Variants in SPATA17 observed in about 807,000 individuals in gnomAD.
SPATA17 encodes spermatogenesis-associated protein 17.
In SPATA17, 53 loss-of-function variants were observed where a neutral mutation model predicts 62.2. The ratio of observed to expected loss-of-function variants is 0.85; its 90% confidence interval spans 0.68 to 1.07. SPATA17 has a LOEUF of 1.07. Among genes scored for constraint, SPATA17 ranks in the 50% least tolerant of loss-of-function variants. SPATA17 has a pLI of 0.00. For missense variants in SPATA17, 466 were observed against 425.5 expected, an observed-to-expected ratio of 1.10 and a Z score of -0.84; for synonymous variants, 146 against 146.8, an observed-to-expected ratio of 0.99 and a Z score of 0.04.
intron 9 of SPATA17, among the ~76,000 whole-genome samples, chr1:217,820,962 C>A (rs1029380551): frequency 6.6e-6 from 1 of 152,036 alleles, no homozygotes; most frequent in Admixed American, 6.6e-5. Context: ...TAAAACATGG[C>A]AGAGAAGGTT....
rs200885875 is a variant in SPATA17 at position 217,689,221 on chromosome 1, C to CTTTTTT, written c.395+5877_395+5882dup. Among the ~76,000 whole-genome samples, 258 of 102,600 alleles carry CTTTTTT rather than the reference C, an allele frequency of 2.5e-3. 6 individuals carry two copies. Among genetic ancestry groups the CTTTTTT allele is most frequent in the Middle Eastern group, 8.1e-3 (1 of 124 alleles). The allele number at this position is 102,600 out of a possible 152,430, so 67.3% of individuals were successfully genotyped here. A position where few individuals can be genotyped will look rare whatever the true frequency, so the allele number is the denominator to read the frequency against. On this transcript the variant is annotated intron_variant, in intron 5 of 10. Transcript: ENST00000366933. Reference sequence around the variant, plus strand: ...ACAAATCAGATAGCATTTATTATGTCTTTTTTTTTTTTTTTTTTTTTTGAG... The same window carrying CTTTTTT: ...ACAAATCAGATAGCATTTATTATGTCTTTTTTTTTTTTTTTTTTTTTTTTTTTTGAG...
At chr1:217,778,524 A>AAAT (rs1389820181) in intron 7 of SPATA17, among the ~76,000 whole-genome samples, 1 of 152,136 alleles carries the variant, frequency 6.6e-6, no homozygotes, top group African/African-American at 2.4e-5. Context: ...CCATCCCAAA[A>AAAT]AATAATAATA....
chr1:217,656,969 T>C (rs1670458533), intron 3 of SPATA17, among the ~76,000 whole-genome samples: 1 of 152,186 alleles, frequency 6.6e-6, no homozygotes, highest in Non-Finnish European at 1.5e-5. Flanking sequence ...TGGGGATTTT[T>C]CTCCTTTACA....
intron 4 of SPATA17, among the ~76,000 whole-genome samples, chr1:217,681,668 A>G (rs1011878064): frequency 2.0e-5 from 3 of 152,120 alleles, no homozygotes; most frequent in South Asian, 4.1e-4. Flanking sequence ...AAGTCCTGGG[A>G]TTAGAGGTGT....
intron 5 of SPATA17, among the ~76,000 whole-genome samples, chr1:217,706,062 G>A (rs1671726153): frequency 6.6e-6 from 1 of 152,242 alleles, no homozygotes; most frequent in Middle Eastern, 3.4e-3. Context: ...AGTTCCATTG[G>A]CATATGTGTC....
chr1:217,742,986 C>T (rs891974984), intron 6 of SPATA17, among the ~76,000 whole-genome samples: 7 of 150,846 alleles, frequency 4.6e-5, no homozygotes, highest in African/African-American at 7.3e-5. Context: ...CTGGGCTGGC[C>T]GTCTACATTT....
At position 217,868,664 on chromosome 1, in the gene SPATA17, GTTTTTTTTTTTTT is replaced by G. The variant is rs34123629; in HGVS notation, c.*1659_*1671del. 33 of 88,226 alleles carry G rather than the reference GTTTTTTTTTTTTT, an allele frequency of 3.7e-4. No homozygotes were observed. The highest frequency in any genetic ancestry group is 1.3e-3 in the African/African-American group (29 of 22,214). The allele number at this position is 88,226 out of a possible 1,614,324, so 5.5% of individuals were successfully genotyped here. ...TAAACCAGAAAGTATCTGAGACAAT[GTTTTTTTTTTTTT>G]TTTTTTTTTTTTTAATTTCTGAGAC... On this transcript the variant is annotated 3_prime_UTR_variant, in exon 11 of 11. Coordinates refer to ENST00000366933, the MANE Select transcript of SPATA17 (RefSeq NM_138796.4).
intron 1 of SPATA17, among the ~76,000 whole-genome samples, chr1:217,631,993 G>T (rs1390252133): frequency 6.6e-6 from 1 of 152,074 alleles, no homozygotes; most frequent in African/African-American, 2.4e-5. Context: ...GACCAACCAG[G>T]ACAACATGGT....
In SPATA17 at chr1:217,782,234, T is replaced by C. The variant is rs755817073; in HGVS notation, c.784T>C (p.Leu262=). ...EQRYRPLEPT[L]RVAEPIDELK... ...ACGCTACAGGCCTTTGGAGCCAACGTTGCGGGTGGCAGAACCAATCGATGA... is the reference window on the plus strand; with the variant it reads ...ACGCTACAGGCCTTTGGAGCCAACGCTGCGGGTGGCAGAACCAATCGATGA... Residue 262 remains leucine, a synonymous_variant, in exon 8 of 11, where the codon TTG becomes CTG. Coordinates refer to ENST00000366933, the MANE Select transcript of SPATA17 (RefSeq NM_138796.4). The C allele has an allele frequency of 1.2e-6, 2 of 1,612,684 alleles. No individual in the cohort carries two copies. Among genetic ancestry groups the C allele is most frequent in the South Asian group, 1.1e-5 (1 of 90,968 alleles).
chr1:217,694,445 C>T (rs1671409195), intron 5 of SPATA17, among the ~76,000 whole-genome samples: 1 of 141,150 alleles, frequency 7.1e-6, no homozygotes, highest in African/African-American at 2.7e-5. Flanking sequence ...ACTCTTTATC[C>T]AACTTGCCAG....
At chr1:217,721,109 T>C (rs1478758640) in intron 5 of SPATA17, among the ~76,000 whole-genome samples, 2 of 152,250 alleles carry the variant, frequency 1.3e-5, no homozygotes, top group African/African-American at 4.8e-5. Context: ...TTTATTCCTT[T>C]AACTTTAATA....
In SPATA17 at chr1:217,704,230, C is replaced by CTTTTTTTTTTT. The variant is rs560591615; in HGVS notation, c.395+20890_395+20900dup. ...TCCTAACTCTCCTCCTTCCCTCTAC[C>CTTTTTTTTTTT]TTTTTTTTTTTTTTTTTTTTTTTTT... On this transcript the variant is annotated intron_variant, in intron 5 of 10. Coordinates refer to ENST00000366933, the MANE Select transcript of SPATA17 (RefSeq NM_138796.4). 1.0e-3 allele frequency among the ~76,000 whole-genome samples: 42 copies of CTTTTTTTTTTT among 41,718 alleles called. 7 individuals are homozygous for CTTTTTTTTTTT. Among genetic ancestry groups the CTTTTTTTTTTT allele is most frequent in the Non-Finnish European group, 1.4e-3 (31 of 21,570 alleles). The allele number at this position is 41,718 out of a possible 152,430, so 27.4% of individuals were successfully genotyped here.
chr1:217,731,936 T>G (rs1274416890), intron 5 of SPATA17, among the ~76,000 whole-genome samples: 1 of 152,176 alleles, frequency 6.6e-6, no homozygotes. Context: ...AAAAGCAAAT[T>G]GATAAAGAAT....
At chr1:217,799,028 C>G (rs1220831944) in intron 8 of SPATA17, among the ~76,000 whole-genome samples, 1 of 151,852 alleles carries the variant, frequency 6.6e-6, no homozygotes, top group African/African-American at 2.4e-5. Context: ...TAAAATTTTA[C>G]TATAAATCAA....
chr1:217,810,654 A>T (rs1674564173), intron 9 of SPATA17, among the ~76,000 whole-genome samples: 1 of 151,954 alleles, frequency 6.6e-6, no homozygotes, highest in East Asian at 1.9e-4. Flanking sequence ...TGAGAATCTG[A>T]GACTCGGTTA....
At chr1:217,845,237 T>G (rs1571840282) in intron 9 of SPATA17, among the ~76,000 whole-genome samples, 1 of 152,218 alleles carries the variant, frequency 6.6e-6, no homozygotes, top group Non-Finnish European at 1.5e-5. Flanking sequence ...GGACCAATTT[T>G]TCTTCCATAG....
chr1:217,670,894 T>C (rs1571720278), intron 4 of SPATA17, among the ~76,000 whole-genome samples: 1 of 139,098 alleles, frequency 7.2e-6, no homozygotes, highest in Non-Finnish European at 1.5e-5. Flanking sequence ...GAAGTGGCAG[T>C]GAGCCGAGAT....
At chr1:217,837,042 G>A (rs1675276916) in intron 9 of SPATA17, among the ~76,000 whole-genome samples, 1 of 152,064 alleles carries the variant, frequency 6.6e-6, no homozygotes, top group African/African-American at 2.4e-5. Context: ...TCCCCACAGT[G>A]CAGTACCCAA....
rs188601174 is a variant in SPATA17 at position 217,825,115 on chromosome 1, C to A, written c.1005+23265C>A. ...ATACATTAAAAATTCCTAAAATATA[C>A]AAAACAAACTATTATTTAGGAATAA... On this transcript the variant is annotated intron_variant, in intron 9 of 10. Coordinates refer to ENST00000366933, the MANE Select transcript of SPATA17 (RefSeq NM_138796.4). 5.2e-3 allele frequency among the ~76,000 whole-genome samples: 784 copies of A among 150,176 alleles called. 8 individuals are homozygous for A. Among genetic ancestry groups the A allele is most frequent in the Non-Finnish European group, 8.8e-3 (594 of 67,428 alleles).
Sources: allele counts gnomAD v4.1 joint callset (sites outside exome capture counted in the v4.1 genomes callset), GRCh38; gene constraint gnomAD v4.1.1; transcripts MANE v1.5; gene names NCBI Gene and HGNC (gene_info 2026-07-23, HGNC 2026-07-21).